DENND2B: variants seen among roughly 807,000 people sequenced by gnomAD.
DENND2B encodes the protein DENN domain containing 2B, also known as DENN domain-containing protein 2B.
Under a neutral mutation model 116.0 loss-of-function variants are expected in DENND2B, and 32 were observed. The observed-to-expected ratio is 0.28, with a 90% confidence interval of 0.21 to 0.37. The LOEUF (loss-of-function observed/expected upper bound fraction) is 0.37. Among genes scored for constraint, DENND2B ranks in the 10% least tolerant of loss-of-function variants. DENND2B has a pLI of 1.00. For synonymous variants in DENND2B, 588 were observed against 583.9 expected, an observed-to-expected ratio of 1.01 and a Z score of -0.10; for missense variants, 1,276 against 1,477.7, an observed-to-expected ratio of 0.86 and a Z score of 2.24.
upstream of DENND2B, among the ~76,000 whole-genome samples, chr11:8,874,386 A>C: frequency 6.6e-6 from 1 of 152,236 alleles, no homozygotes; most frequent in East Asian, 1.9e-4. Flanking sequence ...ACCAAAATAG[A>C]ACTTGACATC....
chr11:8,829,176 T>G (rs1382169464), intron 4 of DENND2B, among the ~76,000 whole-genome samples: 1 of 151,718 alleles, frequency 6.6e-6, no homozygotes, highest in African/African-American at 2.4e-5. Context: ...ATGTGTGGTG[T>G]GTGTGGTGTT....
At chr11:8,876,371 T>A (rs2063841242), upstream of DENND2B, among the ~76,000 whole-genome samples, 1 of 152,194 alleles carries the variant, frequency 6.6e-6, no homozygotes, top group Non-Finnish European at 1.5e-5. Flanking sequence ...CTGAATTGTG[T>A]TACTTATGTC....
intron 1 of DENND2B, among the ~76,000 whole-genome samples, chr11:8,894,927 C>T (rs1276723119): frequency 4.6e-5 from 7 of 152,130 alleles, no homozygotes; most frequent in African/African-American, 7.2e-5. Context: ...ATAAATCATG[C>T]TGCTATAAAG....
At chr11:8,806,636 A>ACACACACACACACACACACACACACACC (rs1426363936) in intron 1 of DENND2B, among the ~76,000 whole-genome samples, 2 of 151,592 alleles carry the variant, frequency 1.3e-5, no homozygotes, top group Admixed American at 6.6e-5. Context: ...ACACACACAC[A>ACACACACACACACACACACACACACACC]CACCCAGGAG....
chr11:8,905,289 A>G (rs995144591), intron 1 of DENND2B, among the ~76,000 whole-genome samples: 4 of 152,196 alleles, frequency 2.6e-5, no homozygotes, highest in African/African-American at 9.6e-5. Context: ...GAATTTAATG[A>G]GAAAAGGATA....
intron 2 of DENND2B, among the ~76,000 whole-genome samples, chr11:8,866,281 C>A (rs1231095465): frequency 6.6e-6 from 1 of 152,176 alleles, no homozygotes; most frequent in Non-Finnish European, 1.5e-5. Flanking sequence ...TTTCTAAGCT[C>A]TTAGCTATCT....
chr11:8,851,934 C>G (rs1233988459), intron 3 of DENND2B, among the ~76,000 whole-genome samples: 1 of 143,150 alleles, frequency 7.0e-6, no homozygotes, highest in African/African-American at 3.0e-5. Context: ...TGAAATTCAA[C>G]TAACTAATTA....
At chr11:8,735,323 T>C (rs576164269) in intron 2 of DENND2B, among the ~76,000 whole-genome samples, 1 of 152,192 alleles carries the variant, frequency 6.6e-6, no homozygotes, top group Admixed American at 6.5e-5. Context: ...ATAGCCAGCC[T>C]ACAACTGCCT....
chr11:8,817,536 CCT>C, intron 4 of DENND2B, among the ~76,000 whole-genome samples: 1 of 152,112 alleles, frequency 6.6e-6, no homozygotes. Context: ...GCACCCCACC[CCT>C]GACCTTAAGG....
chr11:8,792,660 G>A (rs1356394345), intron 1 of DENND2B, among the ~76,000 whole-genome samples: 1 of 152,122 alleles, frequency 6.6e-6, no homozygotes, highest in Non-Finnish European at 1.5e-5. Context: ...TCAACTACCA[G>A]AAAGATAAAA....
intron 1 of DENND2B, among the ~76,000 whole-genome samples, chr11:8,785,989 T>C (rs1593674258): frequency 1.3e-5 from 2 of 152,360 alleles, no homozygotes; most frequent in Non-Finnish European, 2.9e-5. Flanking sequence ...ATACAGAATA[T>C]AGAAGCTATT....
At chr11:8,719,100 G>T in intron 4 of DENND2B, 1 of 985,450 alleles carries the variant, frequency 1.0e-6, no homozygotes, top group Non-Finnish European at 1.2e-6. Flanking sequence ...TGTGCCTTAC[G>T]CCCCAGAGGA....
intron 3 of DENND2B, among the ~76,000 whole-genome samples, chr11:8,728,012 A>C (rs894758856): frequency 1.4e-5 from 2 of 138,924 alleles, no homozygotes; most frequent in East Asian, 2.1e-4. Context: ...CACACACGCA[A>C]ATTTTTTTGA....
chr11:8,824,343 C>A (rs964022508), intron 4 of DENND2B, among the ~76,000 whole-genome samples: 13 of 152,062 alleles, frequency 8.5e-5, no homozygotes, highest in Admixed American at 8.5e-4. Flanking sequence ...TGATCCTCTC[C>A]CTCCTCCCAC....
intron 1 of DENND2B, among the ~76,000 whole-genome samples, chr11:8,895,138 C>G (rs1566088898): frequency 6.6e-6 from 1 of 151,968 alleles, no homozygotes. Context: ...TCTCAGCAAA[C>G]TATCACAAAG....
At chr11:8,904,237 A>T (rs556228571) in intron 1 of DENND2B, among the ~76,000 whole-genome samples, 29 of 152,172 alleles carry the variant, frequency 1.9e-4, no homozygotes, top group Non-Finnish European at 3.1e-4. Context: ...CCAAAAATCA[A>T]TTCATTCAAC....
upstream of DENND2B, chr11:8,811,001 T>G (rs2061347295): frequency 3.2e-6 from 1 of 308,176 alleles, no homozygotes; most frequent in Non-Finnish European, 5.9e-6. Flanking sequence ...AGACAGTGAG[T>G]GGACTTGTTT....
rs373250915 is a variant in DENND2B, at chr11:8,707,736, C to G, written c.2430+41G>C. The stretch of plus-strand genomic sequence containing the variant: ...CTGCAGATACTCCTGTGGGAGCTGT[C>G]AGCTGGGGGACGGGGAGGGAAGCCT... On this transcript the variant is annotated intron_variant, in intron 12 of 19. Coordinates refer to ENST00000313726, the MANE Select transcript of DENND2B (RefSeq NM_213618.2). This position sits in a 1 kb window ranked among gnomAD's most constrained non-coding sequence, Gnocchi z 4.8. 28 of 1,571,870 alleles carry G rather than the reference C, an allele frequency of 1.8e-5. No individual in the cohort carries two copies. The highest frequency in any genetic ancestry group is 2.3e-5 in the Non-Finnish European group (27 of 1,156,916).
At chr11:8,733,259 GC>G (rs1373595457) in intron 2 of DENND2B, among the ~76,000 whole-genome samples, 1 of 152,206 alleles carries the variant, frequency 6.6e-6, no homozygotes, top group African/African-American at 2.4e-5. Context: ...GTTCATGGAG[GC>G]CTTAGGTCTC....
Sources: allele counts gnomAD v4.1 joint callset (sites outside exome capture counted in the v4.1 genomes callset), GRCh38; gene constraint gnomAD v4.1.1; non-coding constraint Gnocchi (gnomAD v3.1); transcripts MANE v1.5; gene names NCBI Gene and HGNC (gene_info 2026-07-23, HGNC 2026-07-21).